Variants in GALNT17 observed in about 807,000 individuals in gnomAD.
GALNT17 encodes the protein polypeptide N-acetylgalactosaminyltransferase 17.
A neutral mutation model predicts 63.7 loss-of-function variants in GALNT17; 29 were observed. The ratio of observed to expected loss-of-function variants is 0.46; its 90% CI spans 0.34 to 0.62. The LOEUF (loss-of-function observed/expected upper bound fraction) is 0.62. GALNT17 is among the 20% of genes least tolerant of loss of function. The pLI is 0.01. For missense variants in GALNT17, 603 were observed against 799.6 expected, an observed-to-expected ratio of 0.75 and a Z score of 2.97; for synonymous variants, 305 against 318.3, an observed-to-expected ratio of 0.96 and a Z score of 0.45.
chr7:71,356,860 C>T lies in GALNT17; in HGVS notation c.422+21127C>T, dbSNP rs1170907218. On this transcript the variant is annotated intron_variant, in intron 2 of 10. Transcript: ENST00000333538. ...ACAGTGGCACCATCTTGAGTCACTGCAACCACCGCCTTCTGGGTTCAAGCA... is the reference window on the plus strand; with the variant it reads ...ACAGTGGCACCATCTTGAGTCACTGTAACCACCGCCTTCTGGGTTCAAGCA... 2.6e-5 allele frequency among the ~76,000 whole-genome samples: 4 copies of T among 152,316 alleles called. No homozygotes were observed. In the East Asian group the frequency reaches 5.8e-4, roughly 22 times the overall value.
chr7:71,387,932 T>C (rs1432360484), intron 2 of GALNT17, among the ~76,000 whole-genome samples: 2 of 152,172 alleles, frequency 1.3e-5, no homozygotes, highest in African/African-American at 4.8e-5. Flanking sequence ...TGAAGGCATC[T>C]ACTGAACCCA....
At chr7:71,517,574 T>C (rs1402377600) in intron 5 of GALNT17, among the ~76,000 whole-genome samples, 1 of 152,202 alleles carries the variant, frequency 6.6e-6, no homozygotes, top group East Asian at 1.9e-4. Context: ...TTTTTTAAAT[T>C]TAATTTGCAA....
intron 6 of GALNT17, among the ~76,000 whole-genome samples, chr7:71,604,491 C>G (rs1271547949): frequency 6.6e-6 from 1 of 152,202 alleles, no homozygotes; most frequent in Non-Finnish European, 1.5e-5. Flanking sequence ...ATTCTTAGAA[C>G]TGACCAATGA....
At chr7:71,599,572 A>G (rs1026437398) in intron 6 of GALNT17, among the ~76,000 whole-genome samples, 2 of 152,040 alleles carry the variant, frequency 1.3e-5, no homozygotes, top group African/African-American at 4.8e-5. Flanking sequence ...GCTGAATTTT[A>G]AGCCTAGGCT....
chr7:71,592,483 G>A (rs995856267), intron 6 of GALNT17, among the ~76,000 whole-genome samples: 7 of 85,228 alleles, frequency 8.2e-5, no homozygotes, highest in African/African-American at 1.9e-4. Flanking sequence ...TGACAAGAGC[G>A]AAACTCCATT....
chr7:71,565,861 T>TTG (rs1789334663), intron 5 of GALNT17, among the ~76,000 whole-genome samples: 1 of 125,316 alleles, frequency 8.0e-6, no homozygotes, highest in African/African-American at 3.1e-5. Context: ...TTTTTTTTTT[T>TTG]GAAACGGAGT....
Position 71,710,912 on chromosome 7 carries a change from G to T in GALNT17, c.1652G>T (p.Arg551Leu), listed in dbSNP as rs370276097. ...CDKVKSSLYK[R>L]WNFIQNGAIM... ...AAGGTCAAGAGCAGCCTGTACAAGC[G>T]CTGGAACTTCATCCAGGTGAGTGCT... The change falls in exon 10 of 11, where the codon CGC (arginine) becomes CTC (leucine). Residue 551 changes from arginine (R) to leucine (L), a missense_variant. By Grantham distance (102) the Arg-to-Leu change is moderately radical. Transcript: ENST00000333538. The T allele has an allele frequency of 6.2e-7, 1 of 1,613,770 alleles. No individual in the cohort carries two copies. Among genetic ancestry groups the T allele is most frequent in the South Asian group, 1.1e-5 (1 of 91,070 alleles).
intron 1 of GALNT17, among the ~76,000 whole-genome samples, chr7:71,261,190 T>C (rs1283647228): frequency 6.6e-6 from 1 of 152,084 alleles, no homozygotes; most frequent in Non-Finnish European, 1.5e-5. Flanking sequence ...CAACGTGCGG[T>C]CACGTCTGAG....
At chr7:71,630,451 C>G (rs1790439220) in intron 6 of GALNT17, among the ~76,000 whole-genome samples, 2 of 152,188 alleles carry the variant, frequency 1.3e-5, no homozygotes, top group African/African-American at 2.4e-5. Flanking sequence ...CTCTTTTTGT[C>G]TGGCTGACTC....
intron 5 of GALNT17, among the ~76,000 whole-genome samples, chr7:71,546,033 G>T (rs1168290182): frequency 6.6e-6 from 1 of 152,154 alleles, no homozygotes; most frequent in Non-Finnish European, 1.5e-5. Context: ...GCCAAGGCAG[G>T]AGGATTGCTT....
chr7:71,570,876 G>T (rs948243840), intron 5 of GALNT17, among the ~76,000 whole-genome samples: 1 of 152,164 alleles, frequency 6.6e-6, no homozygotes, highest in Non-Finnish European at 1.5e-5. Flanking sequence ...TACTCAGGGG[G>T]TTGAGGCAGG....
chr7:71,379,211 G>A (rs991906891), intron 2 of GALNT17, among the ~76,000 whole-genome samples: 5 of 152,154 alleles, frequency 3.3e-5, no homozygotes, highest in African/African-American at 1.2e-4. Flanking sequence ...TGGGCAGATA[G>A]AACAGTTTGT....
chr7:71,583,755 A>T (rs1229263028), intron 6 of GALNT17, among the ~76,000 whole-genome samples: 2 of 91,808 alleles, frequency 2.2e-5, no homozygotes, highest in Non-Finnish European at 5.0e-5. Flanking sequence ...ACACACACAC[A>T]CACACCACAC....
intron 1 of GALNT17, among the ~76,000 whole-genome samples, chr7:71,187,498 A>G (rs1371500868): frequency 2.0e-5 from 3 of 152,058 alleles, no homozygotes; most frequent in African/African-American, 4.8e-5. Context: ...GTTTGTTCGT[A>G]TCATTGTTAC....
At chr7:71,617,674 G>T (rs927847635) in intron 6 of GALNT17, among the ~76,000 whole-genome samples, 1 of 149,368 alleles carries the variant, frequency 6.7e-6, no homozygotes, top group Non-Finnish European at 1.5e-5. Flanking sequence ...ATGGAATCTC[G>T]CTCTGTCACC....
intron 2 of GALNT17, among the ~76,000 whole-genome samples, chr7:71,368,211 C>T (rs572349808): frequency 6.6e-6 from 1 of 152,350 alleles, no homozygotes; most frequent in Non-Finnish European, 1.5e-5. Context: ...TGTCACTTCT[C>T]TGGTCTAAAA....
chr7:71,491,563 A>G (rs948317078), intron 5 of GALNT17, among the ~76,000 whole-genome samples: 1 of 152,196 alleles, frequency 6.6e-6, no homozygotes, highest in South Asian at 2.1e-4. Context: ...CAGGGTTCCC[A>G]TATCAGCCCG....
intron 9 of GALNT17, among the ~76,000 whole-genome samples, chr7:71,693,183 AGT>A (rs1373353105): frequency 4.1e-5 from 6 of 147,478 alleles, no homozygotes; most frequent in Non-Finnish European, 7.4e-5. Flanking sequence ...TAATATAAAT[AGT>A]GTGTGTGTAT....
chr7:71,233,926 C>T (rs559122203), intron 1 of GALNT17, among the ~76,000 whole-genome samples: 1 of 152,080 alleles, frequency 6.6e-6, no homozygotes, highest in African/African-American at 2.4e-5. Flanking sequence ...TCTCACATGG[C>T]CAGAGAAGGA....
Sources: allele counts gnomAD v4.1 joint callset (sites outside exome capture counted in the v4.1 genomes callset), GRCh38; gene constraint gnomAD v4.1.1; transcripts MANE v1.5; gene names NCBI Gene and HGNC (gene_info 2026-07-23, HGNC 2026-07-21).